Variants in KCNU1 observed in about 807,000 individuals in gnomAD.
KCNU1 encodes potassium calcium-activated channel subfamily U member 1, also known as potassium channel subfamily U member 1.
Under a neutral mutation model 126.8 loss-of-function variants are expected in KCNU1, and 93 were observed. The ratio of observed to expected loss-of-function variants is 0.73; its 90% CI spans 0.62 to 0.87. The LOEUF (loss-of-function observed/expected upper bound fraction) is 0.87. KCNU1 is among the 40% of genes least tolerant of loss of function. The pLI, the probability that KCNU1 is intolerant of heterozygous loss-of-function variation, is 0.00. For missense variants in KCNU1, 1,330 were observed against 1,367.1 expected (o/e 0.97, Z 0.43); for synonymous variants, 523 against 494.2 (o/e 1.06, Z -0.77).
intron 20 of KCNU1, among the ~76,000 whole-genome samples, chr8:36,906,313 A>G (rs535034138): frequency 6.6e-6 from 1 of 152,092 alleles, no homozygotes; most frequent in South Asian, 2.1e-4. Flanking sequence ...TGCCTCCTAA[A>G]CACTCCGTAC....
intron 19 of KCNU1, among the ~76,000 whole-genome samples, chr8:36,868,076 T>A (rs1427496954): frequency 6.6e-6 from 1 of 152,168 alleles, no homozygotes; most frequent in Non-Finnish European, 1.5e-5. Context: ...TTCAGAGTTT[T>A]TTAGATGGTG....
chr8:36,916,703 G>A lies in KCNU1; in HGVS notation c.2522-2120G>A, dbSNP rs113830015. Among the ~76,000 whole-genome samples, 167 of 152,272 alleles carry A rather than the reference G, an allele frequency of 1.1e-3. 2 individuals carry two copies. Among genetic ancestry groups the A allele is most frequent in the African/African-American group, 3.5e-3 (146 of 41,566 alleles). Reference sequence around the variant, plus strand: ...AAACCTTCCTCTTTAATAGCTGTGCGAATCCAGTTAGCCCTCTGAGCTTCC... The same window carrying A: ...AAACCTTCCTCTTTAATAGCTGTGCAAATCCAGTTAGCCCTCTGAGCTTCC... On this transcript the variant is annotated intron_variant, in intron 22 of 26. Transcript: ENST00000399881.
At chr8:36,921,681 G>A (rs200001746) in intron 23 of KCNU1, among the ~76,000 whole-genome samples, 4 of 115,360 alleles carry the variant, frequency 3.5e-5, no homozygotes, top group South Asian at 2.8e-4. Flanking sequence ...AAAAAAAAAA[G>A]AAGAGTCTAG....
intron 24 of KCNU1, among the ~76,000 whole-genome samples, chr8:36,927,835 G>T (rs1481774534): frequency 6.6e-6 from 1 of 151,832 alleles, no homozygotes; most frequent in Non-Finnish European, 1.5e-5. Flanking sequence ...GACCAAATTT[G>T]AAAGTCCAAA....
intron 24 of KCNU1, among the ~76,000 whole-genome samples, chr8:36,923,358 C>T (rs369325830): frequency 4.6e-5 from 7 of 152,102 alleles, no homozygotes; most frequent in African/African-American, 1.4e-4. Flanking sequence ...CAGAGGGATG[C>T]CAATTAAAGG....
Position 36,901,568 on chromosome 8 carries a change from T to G in KCNU1, c.2010-4140T>G, listed in dbSNP as rs201498473. On this transcript the variant is annotated intron_variant, in intron 19 of 26. Coordinates refer to ENST00000399881, the MANE Select transcript of KCNU1 (RefSeq NM_001031836.3). ...AAGAAAAGCAGTCATCAGAAAGGAA[T>G]GCTTATTTGCGTGCTGCTCTACACA... is the stretch of plus-strand genomic sequence containing the variant. 5.3e-5 allele frequency among the ~76,000 whole-genome samples: 8 copies of G among 152,022 alleles called. No homozygotes were observed. The East Asian group carries it at 1.2e-3, about 22-fold the overall frequency.
intron 19 of KCNU1, among the ~76,000 whole-genome samples, chr8:36,905,201 C>T (rs1319619319): frequency 6.6e-6 from 1 of 152,002 alleles, no homozygotes; most frequent in African/African-American, 2.4e-5. Flanking sequence ...GTGATGAAAG[C>T]TTTAAAGAAT....
chr8:36,934,449 C>G (rs1179497536), intron 26 of KCNU1, among the ~76,000 whole-genome samples: 3 of 151,768 alleles, frequency 2.0e-5, no homozygotes, highest in African/African-American at 7.3e-5. Flanking sequence ...CTGGAAATAG[C>G]TCTCTCTCTC....
At chr8:36,828,825 G>T (rs16885468) in intron 10 of KCNU1, among the ~76,000 whole-genome samples, 23,089 of 151,954 alleles carry the variant, frequency 0.15, 2,222 homozygotes, top group East Asian at 0.35. Flanking sequence ...TCATTTTTAG[G>T]CCATTAGTCA....
chr8:36,862,984 C>A (rs775434523), intron 18 of KCNU1, among the ~76,000 whole-genome samples: 2 of 152,064 alleles, frequency 1.3e-5, no homozygotes, highest in Non-Finnish European at 2.9e-5. Context: ...CAAAATGTAA[C>A]CTTGAAATAA....
At chr8:36,816,919 C>T (rs1803933446) in intron 9 of KCNU1, among the ~76,000 whole-genome samples, 2 of 148,942 alleles carry the variant, frequency 1.3e-5, no homozygotes, top group Non-Finnish European at 3.0e-5. Flanking sequence ...AATTGATGAA[C>T]TTTTCTGCTC....
At chr8:36,863,478 A>G (rs1351507063) in intron 18 of KCNU1, among the ~76,000 whole-genome samples, 1 of 152,190 alleles carries the variant, frequency 6.6e-6, no homozygotes, top group Non-Finnish European at 1.5e-5. Flanking sequence ...TCCATCTCTG[A>G]TCACCAAGCA....
intron 18 of KCNU1, among the ~76,000 whole-genome samples, chr8:36,857,203 T>C (rs1328567017): frequency 6.6e-6 from 1 of 152,194 alleles, no homozygotes; most frequent in Non-Finnish European, 1.5e-5. Flanking sequence ...ACCTCTGCCT[T>C]GGGGGTGAGC....
At chr8:36,930,549 C>T (rs1251615144) in intron 24 of KCNU1, among the ~76,000 whole-genome samples, 6 of 152,074 alleles carry the variant, frequency 3.9e-5, no homozygotes, top group Non-Finnish European at 7.4e-5. Context: ...TAGTTCCCCA[C>T]TGGAAAATCT....
intron 20 of KCNU1, 25 bp from the exon 21 acceptor site, chr8:36,909,286 C>A: frequency 6.8e-7 from 1 of 1,463,722 alleles, no homozygotes; most frequent in South Asian, 1.1e-5. Context: ...TGAAAATGAC[C>A]AGACTGTGGC....
intron 19 of KCNU1, among the ~76,000 whole-genome samples, chr8:36,879,262 G>A (rs1806389505): frequency 7.6e-6 from 1 of 131,208 alleles, no homozygotes; most frequent in South Asian, 2.4e-4. Flanking sequence ...TGAAATATAT[G>A]AGATATATAA....
At position 36,920,846 on chromosome 8, in the gene KCNU1, A is replaced by T. The variant is rs1002747168; in HGVS notation, c.2597-1644A>T. ...CCTTGCTCATCTTTTATGAAAATAA[A>T]GCTGTTCTCAGAAGAAAATGATTCA... On this transcript the variant is annotated intron_variant, in intron 23 of 26. Transcript: ENST00000399881. 2.0e-5 allele frequency among the ~76,000 whole-genome samples: 3 copies of T among 152,224 alleles called. No individual in the cohort carries two copies. In the South Asian group the frequency reaches 6.2e-4, roughly 31 times the overall value.
intron 23 of KCNU1, among the ~76,000 whole-genome samples, chr8:36,921,500 G>A (rs1358400934): frequency 6.6e-6 from 1 of 151,940 alleles, no homozygotes; most frequent in Non-Finnish European, 1.5e-5. Context: ...CCAACATGGT[G>A]AAGCCCTATC....
intron 19 of KCNU1, among the ~76,000 whole-genome samples, chr8:36,867,638 G>T (rs1373834523): frequency 2.0e-5 from 3 of 152,144 alleles, no homozygotes; most frequent in East Asian, 3.9e-4. Flanking sequence ...GATGGTAAAG[G>T]GTTGGCGAGC....
Sources: allele counts gnomAD v4.1 joint callset (sites outside exome capture counted in the v4.1 genomes callset), GRCh38; gene constraint gnomAD v4.1.1; transcripts MANE v1.5; gene names NCBI Gene and HGNC (gene_info 2026-07-23, HGNC 2026-07-21).